SDK1: variants seen among roughly 807,000 people sequenced by gnomAD.
SDK1 encodes sidekick cell adhesion molecule 1.
A neutral mutation model predicts 245.5 loss-of-function variants in SDK1; 157 were observed. The ratio of observed to expected loss-of-function variants is 0.64; its 90% CI spans 0.56 to 0.73. The LOEUF (loss-of-function observed/expected upper bound fraction) is 0.73, where lower values mean the gene tolerates loss of function less well. Among genes scored for constraint, SDK1 ranks in the 30% least tolerant of loss-of-function variants. The probability of loss-of-function intolerance (pLI) is 0.00; values close to 1 mark genes in which losing one functional copy is unlikely to be tolerated. For synonymous variants in SDK1, 1,647 were observed against 1,278.5 expected (o/e 1.29, Z -6.15); for missense variants, 3,583 against 3,002.3 (o/e 1.19, Z -4.52).
At chr7:3,489,349 C>T (rs910645283) in intron 1 of SDK1, among the ~76,000 whole-genome samples, 5 of 152,092 alleles carry the variant, frequency 3.3e-5, no homozygotes, top group South Asian at 2.1e-4. Context: ...AACAATTGAG[C>T]GTATTGTGGA....
intron 1 of SDK1, among the ~76,000 whole-genome samples, chr7:3,442,834 CT>C (rs1379343040): frequency 6.6e-6 from 1 of 152,162 alleles, no homozygotes; most frequent in Non-Finnish European, 1.5e-5. Flanking sequence ...TTTTGCTTTA[CT>C]TTCTGTGAAT....
intron 4 of SDK1, among the ~76,000 whole-genome samples, chr7:3,644,779 A>AAAAAC (rs1782769660): frequency 2.1e-5 from 3 of 140,212 alleles, no homozygotes; most frequent in Admixed American, 7.4e-5. Flanking sequence ...TCTCCAAAAA[A>AAAAAC]AAAAAAAAAA....
Position 3,821,307 on chromosome 7 carries a change from G to A in SDK1, c.714-143G>A, listed in dbSNP as rs564652585. On this transcript the variant is annotated intron_variant, in intron 4 of 44. Transcript: ENST00000404826. ...TCTCTGGCGTTGTCGTATTCTTAAA[G>A]TCGGCCTGTGTATTGTTTTTGTCCT... The A allele has an allele frequency of 4.6e-4, 406 of 874,984 alleles. 2 individuals are homozygous for A. In the African/African-American group the frequency reaches 6.4e-3, roughly 14 times the overall value. 54.2% of individuals were successfully genotyped at this position (874,984 alleles called of 1,614,324 possible). A position where few individuals can be genotyped will look rare whatever the true frequency, so the allele number is the denominator to read the frequency against.
At chr7:3,797,687 G>A (rs912187109) in intron 4 of SDK1, among the ~76,000 whole-genome samples, 8 of 151,908 alleles carry the variant, frequency 5.3e-5, no homozygotes, top group African/African-American at 1.9e-4. Flanking sequence ...CTTTTCCTTT[G>A]GAAAAGCCCC....
chr7:3,899,653 C>G (rs1781715966), intron 5 of SDK1, among the ~76,000 whole-genome samples: 1 of 152,222 alleles, frequency 6.6e-6, no homozygotes, highest in Admixed American at 6.5e-5. Flanking sequence ...CAGGTCCAAG[C>G]TGCACCAGCT....
intron 32 of SDK1, among the ~76,000 whole-genome samples, chr7:4,168,455 C>T (rs1018973535): frequency 1.3e-5 from 2 of 152,198 alleles, no homozygotes; most frequent in Admixed American, 1.3e-4. Flanking sequence ...ATCTTCGGCC[C>T]CTTCCCCTCC....
chr7:4,040,456 T>TGG lies in SDK1; in HGVS notation c.2603-8891_2603-8890insGG, dbSNP rs1201786562. On this transcript the variant is annotated intron_variant, in intron 17 of 44. Coordinates refer to ENST00000404826, the MANE Select transcript of SDK1 (RefSeq NM_152744.4). Reference sequence around the variant, plus strand: ...GTCTAGGGTAATACCCAAAGTTTGTTGTCTCACGCTGACGAAATCAAGGAC... The same window carrying TGG: ...GTCTAGGGTAATACCCAAAGTTTGTTGGGTCTCACGCTGACGAAATCAAGGAC... Among the ~76,000 whole-genome samples the TGG allele has an allele frequency of 8.0e-3, 1,215 of 152,254 alleles. 15 individuals carry two copies. The highest frequency in any genetic ancestry group is 0.028 in the South Asian group (136 of 4,818).
chr7:3,826,175 A>G (rs551117214), intron 5 of SDK1, among the ~76,000 whole-genome samples: 3 of 152,254 alleles, frequency 2.0e-5, no homozygotes, highest in East Asian at 3.9e-4. Context: ...CTTTTCCGTA[A>G]ACACACCATC....
At chr7:4,047,161 C>G (rs1009295767) in intron 17 of SDK1, among the ~76,000 whole-genome samples, 5 of 152,066 alleles carry the variant, frequency 3.3e-5, no homozygotes, top group Admixed American at 6.5e-5. Context: ...CTTTAAATTC[C>G]TACTTTGCTG....
intron 1 of SDK1, among the ~76,000 whole-genome samples, chr7:3,543,694 A>G (rs910862817): frequency 6.6e-6 from 1 of 152,208 alleles, no homozygotes; most frequent in African/African-American, 2.4e-5. Context: ...TGTTACACGT[A>G]CTCATAGACA....
intron 1 of SDK1, among the ~76,000 whole-genome samples, chr7:3,468,330 C>G (rs1781075120): frequency 6.6e-6 from 1 of 151,924 alleles, no homozygotes; most frequent in African/African-American, 2.4e-5. Flanking sequence ...AGAAAATATC[C>G]CAAAATGAAG....
At position 3,608,687 on chromosome 7, in the gene SDK1, A is replaced by G. The variant is rs569378521; in HGVS notation, c.299-10393A>G. 1.2e-3 allele frequency among the ~76,000 whole-genome samples: 186 copies of G among 152,358 alleles called. 4 individuals are homozygous for G. The highest frequency in any genetic ancestry group is 4.3e-3 in the African/African-American group (179 of 41,588). On this transcript the variant is annotated intron_variant, in intron 1 of 44. Coordinates refer to ENST00000404826, the MANE Select transcript of SDK1 (RefSeq NM_152744.4). ...GAAGGTCTGCATCACTCAGCGAACCAGGAAAGACATGTGTATGGATAAGAT... is the reference window on the plus strand; with the variant it reads ...GAAGGTCTGCATCACTCAGCGAACCGGGAAAGACATGTGTATGGATAAGAT...
At chr7:3,589,382 T>C (rs1780788699) in intron 1 of SDK1, among the ~76,000 whole-genome samples, 2 of 152,220 alleles carry the variant, frequency 1.3e-5, no homozygotes, top group South Asian at 4.1e-4. Flanking sequence ...GTGGGTCTTT[T>C]GATGTCAGTG....
intron 31 of SDK1, 131 bp downstream of exon 31, chr7:4,158,682 T>G: frequency 1.6e-6 from 1 of 641,884 alleles, no homozygotes; most frequent in Non-Finnish European, 2.8e-6. Flanking sequence ...ATTCCATTAG[T>G]GACAGACAGC....
At chr7:3,661,688 G>T (rs1188211421) in intron 4 of SDK1, among the ~76,000 whole-genome samples, 2 of 152,084 alleles carry the variant, frequency 1.3e-5, no homozygotes, top group African/African-American at 4.8e-5. Flanking sequence ...ACATCTTCAG[G>T]AATATATATG....
chr7:3,691,092 C>T (rs561431202), intron 4 of SDK1, among the ~76,000 whole-genome samples: 20 of 152,180 alleles, frequency 1.3e-4, no homozygotes, highest in Non-Finnish European at 2.6e-4. Flanking sequence ...ATTTTCTTAT[C>T]ATTTGACAGG....
chr7:4,236,295 C>T (rs554637774), intron 41 of SDK1, among the ~76,000 whole-genome samples: 6 of 152,274 alleles, frequency 3.9e-5, no homozygotes, highest in South Asian at 2.1e-4. Context: ...AATGGGACGC[C>T]GGGACCACCC....
At chr7:3,374,134 T>G (rs1781295282) in intron 1 of SDK1, among the ~76,000 whole-genome samples, 1 of 152,166 alleles carries the variant, frequency 6.6e-6, no homozygotes, top group Non-Finnish European at 1.5e-5. Flanking sequence ...AAGTCTTGGA[T>G]TTGCTGCAGT....
At chr7:4,203,392 C>A (rs1784003955) in intron 35 of SDK1, among the ~76,000 whole-genome samples, 1 of 152,186 alleles carries the variant, frequency 6.6e-6, no homozygotes, top group South Asian at 2.1e-4. Context: ...GGCATCGTAG[C>A]CTTAGCGTGA....
Sources: allele counts gnomAD v4.1 joint callset (sites outside exome capture counted in the v4.1 genomes callset), GRCh38; gene constraint gnomAD v4.1.1; transcripts MANE v1.5; gene names NCBI Gene and HGNC (gene_info 2026-07-23, HGNC 2026-07-21).